The following ZFAND3 variants were observed in gnomAD, a reference collection of about 807,000 sequenced individuals.
ZFAND3 encodes the protein zinc finger AN1-type containing 3.
A neutral mutation model predicts 29.6 loss-of-function variants in ZFAND3; 10 were observed. That is an observed-to-expected ratio of 0.34 (90% CI 0.21 to 0.57). The LOEUF is 0.57. Ranked by LOEUF, ZFAND3 falls within the 20% of genes least tolerant of loss-of-function variation. ZFAND3 has a pLI of 0.86. For missense variants in ZFAND3, 230 were observed against 304.5 expected (o/e 0.76, Z 1.82); for synonymous variants, 128 against 112.6 (o/e 1.14, Z -0.87).
intron 1 of ZFAND3, among the ~76,000 whole-genome samples, chr6:37,864,738 T>TACACACACACAC (rs70977698): frequency 2.0e-5 from 3 of 148,876 alleles, no homozygotes; most frequent in Non-Finnish European, 3.0e-5. Flanking sequence ...TATGTGGTTA[T>TACACACACACAC]ACACACACAC....
At chr6:38,123,770 G>C (rs1267704769) in intron 5 of ZFAND3, among the ~76,000 whole-genome samples, 4 of 152,100 alleles carry the variant, frequency 2.6e-5, no homozygotes, top group African/African-American at 9.7e-5. Context: ...TGTTCCTTCT[G>C]ATGTTCGGAG....
chr6:38,043,123 A>C (rs1183243386), intron 2 of ZFAND3, among the ~76,000 whole-genome samples: 5 of 152,190 alleles, frequency 3.3e-5, no homozygotes, highest in Non-Finnish European at 7.3e-5. Context: ...AAGTTTTATA[A>C]GAGACAGTTT....
intron 2 of ZFAND3, among the ~76,000 whole-genome samples, chr6:37,951,454 G>A (rs1761997086): frequency 6.6e-6 from 1 of 152,118 alleles, no homozygotes; most frequent in African/African-American, 2.4e-5. Flanking sequence ...ATTTAGCCAG[G>A]CATAGTGGTG....
At chr6:37,834,686 A>T (rs1318348340) in intron 1 of ZFAND3, among the ~76,000 whole-genome samples, 1 of 148,354 alleles carries the variant, frequency 6.7e-6, no homozygotes, top group Non-Finnish European at 1.5e-5. Flanking sequence ...ACACTATATG[A>T]TACATATGCA....
chr6:38,065,911 A>G (rs1442169169), intron 3 of ZFAND3, among the ~76,000 whole-genome samples: 1 of 152,238 alleles, frequency 6.6e-6, no homozygotes, highest in Non-Finnish European at 1.5e-5. Context: ...TATGTTAGAC[A>G]CTAAGTTAAG....
At chr6:37,917,829 G>T (rs1441309631) in intron 1 of ZFAND3, among the ~76,000 whole-genome samples, 1 of 152,052 alleles carries the variant, frequency 6.6e-6, no homozygotes, top group East Asian at 1.9e-4. Context: ...CCTGAGAATG[G>T]CCTAGTAGAT....
intron 1 of ZFAND3, among the ~76,000 whole-genome samples, chr6:37,863,027 C>CA (rs971224793): frequency 6.6e-6 from 1 of 152,098 alleles, no homozygotes; most frequent in African/African-American, 2.4e-5. Flanking sequence ...AGAAGGCAGG[C>CA]ATCGAGTAAT....
intron 5 of ZFAND3, among the ~76,000 whole-genome samples, chr6:38,123,217 T>A (rs1765567205): frequency 6.6e-6 from 1 of 152,192 alleles, no homozygotes; most frequent in Admixed American, 6.5e-5. Flanking sequence ...GTTGCTGCCA[T>A]TGCAGGGGGC....
At chr6:37,944,043 A>G (rs984389472) in intron 2 of ZFAND3, among the ~76,000 whole-genome samples, 2 of 152,158 alleles carry the variant, frequency 1.3e-5, no homozygotes, top group East Asian at 1.9e-4. Flanking sequence ...CTCTTAATTC[A>G]GGTGCTGTTA....
At chr6:38,049,113 C>T (rs2645134) in intron 2 of ZFAND3, among the ~76,000 whole-genome samples, 45,490 of 152,024 alleles carry the variant, frequency 0.3, 7,503 homozygotes, top group Non-Finnish European at 0.38. Context: ...CCTAACTTCA[C>T]ACATTCATGA....
intron 2 of ZFAND3, among the ~76,000 whole-genome samples, chr6:37,982,859 A>G (rs1421829248): frequency 6.6e-6 from 1 of 152,182 alleles, no homozygotes; most frequent in Non-Finnish European, 1.5e-5. Context: ...ACCCCTGAAG[A>G]CCTTCCAGTA....
intron 1 of ZFAND3, among the ~76,000 whole-genome samples, chr6:37,828,487 A>G (rs1257022668): frequency 6.6e-6 from 1 of 152,234 alleles, no homozygotes; most frequent in African/African-American, 2.4e-5. Context: ...AAGTACATTG[A>G]GTAGTATAGT....
rs549128775 is a variant in ZFAND3, at chr6:37,962,608, A to G, written c.112+32609A>G. 8.3e-4 allele frequency among the ~76,000 whole-genome samples: 126 copies of G among 152,222 alleles called. 1 individual carries two copies. The highest frequency in any genetic ancestry group is 1.5e-3 in the Non-Finnish European group (100 of 67,990). ...TAGCTAAAGGTTTGTAAATGCAGCA[A>G]TCAGCACTCTGTAAAAACGCACCAA... On this transcript the variant is annotated intron_variant, in intron 2 of 5. Transcript: ENST00000287218.
At chr6:37,907,849 C>T (rs1025662807) in intron 1 of ZFAND3, among the ~76,000 whole-genome samples, 5 of 152,144 alleles carry the variant, frequency 3.3e-5, no homozygotes, top group Non-Finnish European at 5.9e-5. Flanking sequence ...TATAAATATA[C>T]CTTTTCCAGA....
At chr6:38,140,217 C>T (rs1765921459) in intron 5 of ZFAND3, among the ~76,000 whole-genome samples, 1 of 152,096 alleles carries the variant, frequency 6.6e-6, no homozygotes, top group Non-Finnish European at 1.5e-5. Flanking sequence ...AGGTCTGGGG[C>T]AGAGAGATAA....
intron 2 of ZFAND3, among the ~76,000 whole-genome samples, chr6:38,039,562 G>A (rs995437243): frequency 1.5e-4 from 23 of 152,156 alleles, no homozygotes; most frequent in Non-Finnish European, 7.4e-5. Context: ...ATGCATATGT[G>A]TCAGCATGGA....
At chr6:37,960,102 G>A (rs1339292685) in intron 2 of ZFAND3, among the ~76,000 whole-genome samples, 2 of 152,148 alleles carry the variant, frequency 1.3e-5, no homozygotes, top group African/African-American at 2.4e-5. Flanking sequence ...TCAAGATACC[G>A]CAGTGTAGCA....
At chr6:37,860,719 G>A (rs1764474012) in intron 1 of ZFAND3, among the ~76,000 whole-genome samples, 2 of 147,218 alleles carry the variant, frequency 1.4e-5, no homozygotes, top group African/African-American at 2.5e-5. Context: ...TGTTTGTGAC[G>A]GCCACATCAG....
At chr6:38,079,399 A>T (rs987587216) in intron 3 of ZFAND3, among the ~76,000 whole-genome samples, 1 of 152,184 alleles carries the variant, frequency 6.6e-6, no homozygotes, top group Admixed American at 6.5e-5. Flanking sequence ...GCATGTTGAG[A>T]TATGCTAGGA....
Sources: allele counts gnomAD v4.1 joint callset (sites outside exome capture counted in the v4.1 genomes callset), GRCh38; gene constraint gnomAD v4.1.1; transcripts MANE v1.5; gene names NCBI Gene and HGNC (gene_info 2026-07-23, HGNC 2026-07-21).